The following SCN11A variants were observed in gnomAD, a reference collection of about 807,000 sequenced individuals.
SCN11A encodes sodium channel protein type 11 subunit alpha.
SCN11A carries 122 observed loss-of-function variants against 162.2 expected under a neutral mutation model. That is an observed-to-expected ratio of 0.75 (90% CI 0.65 to 0.87). SCN11A has a LOEUF of 0.87. SCN11A is among the 40% of genes least tolerant of loss of function. The pLI is 0.00. For missense variants in SCN11A, 2,015 were observed against 2,181.6 expected, an observed-to-expected ratio of 0.92 and a Z score of 1.52; for synonymous variants, 758 against 751.5, an observed-to-expected ratio of 1.01 and a Z score of -0.14.
intron 27 of SCN11A, among the ~76,000 whole-genome samples, chr3:38,864,292 A>C (rs1485485621): frequency 6.6e-6 from 1 of 152,154 alleles, no homozygotes; most frequent in African/African-American, 2.4e-5. Context: ...CCACCAGCAC[A>C]GATAAAAATA....
rs532823067 is a variant in SCN11A at position 38,955,849 on chromosome 3, G to A, written c.-138-2090C>T. On this transcript the variant is annotated intron_variant, in intron 3 of 29. Transcript: ENST00000302328. Reference sequence around the variant, plus strand: ...AATCCAAGACATTATGTCCTTAACCGAAGAGTGCAATAAAATATTTCTGGT... The same window carrying A: ...AATCCAAGACATTATGTCCTTAACCAAAGAGTGCAATAAAATATTTCTGGT... Among the ~76,000 whole-genome samples, 78 of 152,278 alleles carry A rather than the reference G, an allele frequency of 5.1e-4. 1 individual carries two copies. The South Asian group carries it at 0.013, about 26-fold the overall frequency.
At chr3:39,049,652 C>T (rs2032275695) in intron 1 of SCN11A, among the ~76,000 whole-genome samples, 1 of 152,180 alleles carries the variant, frequency 6.6e-6, no homozygotes, top group Non-Finnish European at 1.5e-5. Context: ...ATCCTGTTGC[C>T]ATTGCCATTG....
At chr3:39,006,331 C>T (rs2030972905) in intron 2 of SCN11A, among the ~76,000 whole-genome samples, 1 of 152,142 alleles carries the variant, frequency 6.6e-6, no homozygotes, top group South Asian at 2.1e-4. Flanking sequence ...ATGAAAGAAC[C>T]TTCTCTTGAG....
At chr3:38,962,940 G>A (rs1021186194) in intron 2 of SCN11A, among the ~76,000 whole-genome samples, 2 of 151,692 alleles carry the variant, frequency 1.3e-5, no homozygotes, top group Non-Finnish European at 2.9e-5. Flanking sequence ...GCCAACAAAC[G>A]TGAAAAAATG....
In SCN11A at chr3:38,992,635, T is replaced by G. The variant is rs534647996; in HGVS notation, c.-279-32212A>C. Reference sequence around the variant, plus strand: ...TTTCAAATAGTAAAAGAAAATACCCTTACAGCCTGTGTGTCATGCTAAACC... The same window carrying G: ...TTTCAAATAGTAAAAGAAAATACCCGTACAGCCTGTGTGTCATGCTAAACC... On this transcript the variant is annotated intron_variant, in intron 2 of 29. Transcript: ENST00000302328. 6.5e-4 allele frequency among the ~76,000 whole-genome samples: 99 copies of G among 152,324 alleles called. 2 individuals are homozygous for G. In the South Asian group the frequency reaches 0.02, roughly 31 times the overall value.
chr3:38,981,537 T>TTGTGTGTGTGTGTGTGTGTGTG (rs10578149), intron 2 of SCN11A, among the ~76,000 whole-genome samples: 9 of 145,868 alleles, frequency 6.2e-5, no homozygotes, highest in Non-Finnish European at 1.4e-4. Context: ...GTGTGTGTGT[T>TTGTGTGTGTGTGTGTGTGTGTG]TGTGTGTGTG....
At chr3:38,948,748 T>C (rs1303642025) in intron 5 of SCN11A, among the ~76,000 whole-genome samples, 4 of 152,246 alleles carry the variant, frequency 2.6e-5, no homozygotes, top group African/African-American at 9.6e-5. Context: ...GGTCCTAGAA[T>C]TACCACCCAG....
chr3:38,961,093 G>C (rs1329413277), intron 2 of SCN11A, among the ~76,000 whole-genome samples: 1 of 152,160 alleles, frequency 6.6e-6, no homozygotes, highest in East Asian at 1.9e-4. Context: ...AGTCAGCTGA[G>C]ATAAAGGGTA....
intron 2 of SCN11A, among the ~76,000 whole-genome samples, chr3:39,005,234 C>T (rs1396906134): frequency 1.3e-5 from 2 of 152,198 alleles, no homozygotes; most frequent in East Asian, 1.9e-4. Context: ...TCAGGCCTGG[C>T]GCCGGGCTGC....
chr3:39,023,483 A>G (rs1559577553), intron 2 of SCN11A, among the ~76,000 whole-genome samples: 1 of 152,016 alleles, frequency 6.6e-6, no homozygotes, highest in South Asian at 2.1e-4. Context: ...TGCTTCCTTT[A>G]TATCTTTTAT....
intron 28 of SCN11A, among the ~76,000 whole-genome samples, chr3:38,857,625 C>A (rs2064891305): frequency 6.6e-6 from 1 of 151,866 alleles, no homozygotes; most frequent in South Asian, 2.1e-4. Flanking sequence ...ATCTAGACAA[C>A]CAAATAAGAA....
chr3:39,038,184 C>T (rs986668725), intron 1 of SCN11A, among the ~76,000 whole-genome samples: 1 of 152,144 alleles, frequency 6.6e-6, no homozygotes, highest in South Asian at 2.1e-4. Flanking sequence ...CAATAATAAA[C>T]ATTTATTGTT....
chr3:38,962,803 A>C (rs1412143990), intron 2 of SCN11A, among the ~76,000 whole-genome samples: 5 of 152,048 alleles, frequency 3.3e-5, no homozygotes, highest in Non-Finnish European at 1.5e-5. Context: ...AGCAGATATC[A>C]TGCCACTTCA....
intron 17 of SCN11A, among the ~76,000 whole-genome samples, chr3:38,899,177 C>CA (rs2065654664): frequency 6.6e-6 from 1 of 152,144 alleles, no homozygotes; most frequent in African/African-American, 2.4e-5. Flanking sequence ...TTCCCCTTCT[C>CA]AGATTGGATT....
intron 4 of SCN11A, among the ~76,000 whole-genome samples, chr3:38,952,439 A>G (rs1362688031): frequency 6.6e-6 from 1 of 152,218 alleles, no homozygotes; most frequent in Non-Finnish European, 1.5e-5. Context: ...CCAGGAAATT[A>G]TAGTAAGAAA....
intron 11 of SCN11A, among the ~76,000 whole-genome samples, chr3:38,917,166 A>G (rs561428973): frequency 6.6e-6 from 1 of 152,338 alleles, no homozygotes; most frequent in African/African-American, 2.4e-5. Flanking sequence ...TCAAAAAATA[A>G]CAGATGCTGG....
chr3:38,886,283 T>C (rs895573592), intron 19 of SCN11A, 45 bp from the exon 20 acceptor site: 4 of 1,307,018 alleles, frequency 3.1e-6, no homozygotes, highest in Admixed American at 3.6e-5. Context: ...CTCCTGGACA[T>C]GTCACTTAAG....
chr3:38,914,261 T>C (rs2065927176), intron 11 of SCN11A, among the ~76,000 whole-genome samples: 1 of 152,108 alleles, frequency 6.6e-6, no homozygotes. Context: ...CAATAGTAAA[T>C]AGGATTGCAT....
intron 11 of SCN11A, among the ~76,000 whole-genome samples, chr3:38,914,231 T>A (rs1364474004): frequency 2.0e-5 from 3 of 152,120 alleles, no homozygotes; most frequent in African/African-American, 7.2e-5. Flanking sequence ...TGTATTCCTA[T>A]GTATTTTATT....
Sources: allele counts gnomAD v4.1 joint callset (sites outside exome capture counted in the v4.1 genomes callset), GRCh38; gene constraint gnomAD v4.1.1; transcripts MANE v1.5; gene names NCBI Gene and HGNC (gene_info 2026-07-23, HGNC 2026-07-21).